FNDC3B: variants seen among roughly 807,000 people sequenced by gnomAD.
The protein encoded by FNDC3B is fibronectin type III domain-containing protein 3B.
A neutral mutation model predicts 151.5 loss-of-function variants in FNDC3B; 12 were observed. That is an observed-to-expected ratio of 0.08 (90% CI 0.05 to 0.13). The LOEUF is 0.13. Among genes scored for constraint, FNDC3B ranks in the 10% least tolerant of loss-of-function variants. The pLI is 1.00. For missense variants in FNDC3B, 1,214 were observed against 1,505.3 expected (o/e 0.81, Z 3.20); for synonymous variants, 528 against 549.0 (o/e 0.96, Z 0.54).
intron 7 of FNDC3B, among the ~76,000 whole-genome samples, chr3:172,291,690 T>C: frequency 6.6e-6 from 1 of 152,230 alleles, no homozygotes; most frequent in Admixed American, 6.5e-5. Flanking sequence ...ACAAAGGAGA[T>C]TGACTTTCTA....
intron 23 of FNDC3B, among the ~76,000 whole-genome samples, chr3:172,366,712 T>A (rs1236868971): frequency 6.6e-6 from 1 of 152,134 alleles, no homozygotes; most frequent in African/African-American, 2.4e-5. Flanking sequence ...GAGGGAAAAT[T>A]GAAGAATGGC....
At chr3:172,317,610 G>A (rs1232592219) in intron 11 of FNDC3B, among the ~76,000 whole-genome samples, 1 of 152,228 alleles carries the variant, frequency 6.6e-6, no homozygotes, top group Non-Finnish European at 1.5e-5. Flanking sequence ...TGGAAAAACA[G>A]TGTCAGTTAT....
rs984882430 is a variant in FNDC3B at position 172,307,451 on chromosome 3, C to T, written c.1150C>T (p.Pro384Ser). Reference protein sequence around the residue: ...THSCAPECPFPPKLAHRSKSS... With the variant: ...THSCAPECPFSPKLAHRSKSS... ...CAGCTGTGCACCCGAGTGTCCTTTC[C>T]CCCCTAAGCTGGCACATAGGAGCAA... The change falls in exon 10 of 26, where the codon CCC (proline) becomes TCC (serine). Residue 384 changes from proline (P) to serine (S), a missense_variant. Pro to Ser is a moderately conservative substitution (Grantham distance 74). This residue lies in a region of FNDC3B where 156 missense variants were observed against 225.3 expected (regional missense o/e 0.69). Coordinates refer to ENST00000415807, the MANE Select transcript of FNDC3B (RefSeq NM_022763.4). 18 of 1,613,936 alleles carry T rather than the reference C, an allele frequency of 1.1e-5. No individual in the cohort carries two copies. The highest frequency in any genetic ancestry group is 1.5e-5 in the Non-Finnish European group (18 of 1,179,950).
chr3:172,281,337 C>T (rs1729713363), intron 6 of FNDC3B, among the ~76,000 whole-genome samples: 2 of 151,938 alleles, frequency 1.3e-5, no homozygotes, highest in Admixed American at 1.3e-4. Context: ...CCTCCACATC[C>T]CGGGTTCAAG....
chr3:172,123,018 A>G (rs116653068), intron 2 of FNDC3B, among the ~76,000 whole-genome samples: 4,845 of 152,244 alleles, frequency 0.032, 249 homozygotes, highest in African/African-American at 0.11. Flanking sequence ...ATTATGTTAC[A>G]TGACTTTTAG....
At chr3:172,045,231 A>G (rs1477842136) in intron 1 of FNDC3B, among the ~76,000 whole-genome samples, 2 of 152,224 alleles carry the variant, frequency 1.3e-5, no homozygotes, top group Admixed American at 1.3e-4. Context: ...TGATCAGTAA[A>G]CAAGGTCCAA....
intron 8 of FNDC3B, among the ~76,000 whole-genome samples, chr3:172,296,394 G>A (rs949082132): frequency 2.0e-5 from 3 of 152,172 alleles, no homozygotes; most frequent in African/African-American, 7.2e-5. Context: ...TCCTGACAAG[G>A]AAAGAGGGAC....
chr3:172,074,655 G>C (rs1031699450), intron 1 of FNDC3B, among the ~76,000 whole-genome samples: 1 of 152,068 alleles, frequency 6.6e-6, no homozygotes, highest in Admixed American at 6.6e-5. Context: ...TATACTTTAA[G>C]GGCTGAAAAA....
At position 172,352,728 on chromosome 3, in the gene FNDC3B, A is replaced by AATCTAACTCAG; in HGVS notation, c.2515-75_2515-74insATCTAACTCAG. On this transcript the variant is annotated intron_variant, in intron 21 of 25. Coordinates refer to ENST00000415807, the MANE Select transcript of FNDC3B (RefSeq NM_022763.4). The surrounding 1 kb of genome is among the most constrained non-coding windows in gnomAD (Gnocchi z 4.2). ...ATGTGTACTACTTTAGATTTATTTA[A>AATCTAACTCAG]TGGCAGCTAACTCAGAGGCATCAAA... The AATCTAACTCAG allele has an allele frequency of 1.4e-6, 2 of 1,425,258 alleles. No individual in the cohort carries two copies. Among genetic ancestry groups the AATCTAACTCAG allele is most frequent in the Non-Finnish European group, 9.5e-7 (1 of 1,049,480 alleles). 88.3% of individuals were successfully genotyped at this position (1,425,258 alleles called of 1,614,324 possible).
chr3:172,307,836 G>T (rs914354205), intron 10 of FNDC3B, among the ~76,000 whole-genome samples: 23 of 152,178 alleles, frequency 1.5e-4, no homozygotes, highest in Non-Finnish European at 2.5e-4. Context: ...TGGGCAAAGG[G>T]GTGGGAGGAG....
At chr3:172,233,870 GCATGGGGGTTGGTATTGTGTTC>G (rs1284275374) in intron 4 of FNDC3B, among the ~76,000 whole-genome samples, 21 of 152,194 alleles carry the variant, frequency 1.4e-4, no homozygotes, top group African/African-American at 5.1e-4. Context: ...TACATTGTGT[GCATGGGGGTTGGTATTGTGTTC>G]CATGGAAAAC....
chr3:172,089,137 C>CAA (rs1718688409), intron 1 of FNDC3B, among the ~76,000 whole-genome samples: 1 of 152,000 alleles, frequency 6.6e-6, no homozygotes. Context: ...ACCCATAGGA[C>CAA]AAAGTAAAAT....
intron 1 of FNDC3B, among the ~76,000 whole-genome samples, chr3:172,079,466 C>T (rs1204198534): frequency 6.6e-6 from 1 of 152,162 alleles, no homozygotes; most frequent in Non-Finnish European, 1.5e-5. Context: ...TGGACAGATA[C>T]AGACCCAAAA....
At chr3:172,138,013 G>A (rs1452843571) in intron 3 of FNDC3B, among the ~76,000 whole-genome samples, 1 of 152,224 alleles carries the variant, frequency 6.6e-6, no homozygotes, top group African/African-American at 2.4e-5. Context: ...TCATATCTGT[G>A]TCTGGGCTGA....
At chr3:172,181,846 A>AAG (rs1723927101) in intron 3 of FNDC3B, among the ~76,000 whole-genome samples, 1 of 151,438 alleles carries the variant, frequency 6.6e-6, no homozygotes. Flanking sequence ...AAAAAAAAAA[A>AAG]AAAAAGATTT....
chr3:172,201,824 T>A (rs932022214), intron 3 of FNDC3B, among the ~76,000 whole-genome samples: 1 of 152,228 alleles, frequency 6.6e-6, no homozygotes, highest in Non-Finnish European at 1.5e-5. Flanking sequence ...ATTTCAGATA[T>A]ACAGCATTTT....
intron 3 of FNDC3B, among the ~76,000 whole-genome samples, chr3:172,206,385 G>A (rs555002045): frequency 1.9e-4 from 29 of 152,200 alleles, no homozygotes; most frequent in Non-Finnish European, 2.2e-4. Context: ...AAGGCCAGGC[G>A]CGGTGGCTTA....
chr3:172,377,959 A>G (rs1177661253), intron 23 of FNDC3B, among the ~76,000 whole-genome samples: 2 of 152,228 alleles, frequency 1.3e-5, no homozygotes, highest in Admixed American at 6.5e-5. Flanking sequence ...TAGCATTATG[A>G]AAAATTTGAA....
At chr3:172,202,361 A>T (rs1307099324) in intron 3 of FNDC3B, among the ~76,000 whole-genome samples, 1 of 152,228 alleles carries the variant, frequency 6.6e-6, no homozygotes, top group East Asian at 1.9e-4. Context: ...GTGCATGTAG[A>T]AAGAAAAAGT....
Sources: gnomAD v4.1 joint callset for allele counts (sites outside exome capture counted in the v4.1 genomes callset) on GRCh38, gnomAD v4.1.1 for gene constraint, gnomAD v4.1.1 regional missense constraint, Gnocchi (gnomAD v3.1) non-coding constraint, MANE v1.5 for transcripts, NCBI Gene and HGNC (gene_info 2026-07-23, HGNC 2026-07-21) for gene names.